The following TNS1 variants were observed in gnomAD, a reference collection of about 807,000 sequenced individuals.
TNS1 encodes tensin 1.
Under a neutral mutation model 168.6 loss-of-function variants are expected in TNS1, and 62 were observed. The ratio of observed to expected loss-of-function variants is 0.37; its 90% CI spans 0.30 to 0.45. The LOEUF (loss-of-function observed/expected upper bound fraction) is 0.45, where lower values mean the gene tolerates loss of function less well. Among genes scored for constraint, TNS1 ranks in the 20% least tolerant of loss-of-function variants. The pLI is 1.00. For synonymous variants in TNS1, 934 were observed against 933.2 expected (o/e 1.00, Z -0.02); for missense variants, 2,240 against 2,339.4 (o/e 0.96, Z 0.88).
rs1950768058 is a variant in TNS1, at chr2:217,882,406, G to A, written c.1252C>T (p.Arg418Ter). 1 of 1,598,360 alleles carries A rather than the reference G, an allele frequency of 6.3e-7. No individual in the cohort carries two copies. The highest frequency in any genetic ancestry group is 8.5e-7 in the Non-Finnish European group (1 of 1,174,724). Residue 418 changes from arginine (R) to a stop codon, truncating the protein, a stop_gained, in exon 17 of 33, where the codon CGA (arginine) becomes TGA (stop). Coordinates refer to ENST00000682258, the MANE Select transcript of TNS1 (RefSeq NM_001387777.1). LOFTEE classifies it high-confidence loss of function. ...EDLDDAFKDD[R>*]FPEYGKVEFV... Reference sequence around the variant, plus strand: ...TCCACTTTGCCATACTCTGGAAATCGATCATCTGGAAAAAGAGAAGGAAAA... The same window carrying A: ...TCCACTTTGCCATACTCTGGAAATCAATCATCTGGAAAAAGAGAAGGAAAA...
chr2:218,024,340 C>T (rs1314375634), intron 1 of TNS1, among the ~76,000 whole-genome samples: 1 of 147,794 alleles, frequency 6.8e-6, no homozygotes, highest in Non-Finnish European at 1.5e-5. Flanking sequence ...CTCCAACACA[C>T]TCATGTCCCT....
chr2:217,951,967 G>A (rs1045924375), intron 3 of TNS1, among the ~76,000 whole-genome samples: 1 of 152,142 alleles, frequency 6.6e-6, no homozygotes, highest in African/African-American at 2.4e-5. Flanking sequence ...CTTTCTAAGT[G>A]CCCGCAGTGG....
intron 22 of TNS1, among the ~76,000 whole-genome samples, chr2:217,824,959 G>A (rs541897686): frequency 6.6e-6 from 1 of 152,104 alleles, no homozygotes; most frequent in Admixed American, 6.5e-5. Context: ...CCCTCAATCT[G>A]CATGTGCTCC....
At chr2:217,885,716 G>A (rs1402866165) in intron 15 of TNS1, 28 bp downstream of exon 15, 1 of 1,558,704 alleles carries the variant, frequency 6.4e-7, no homozygotes, top group African/African-American at 2.2e-5. Flanking sequence ...AAACAAGGAT[G>A]GGGCTTGACA....
chr2:217,850,161 C>G, intron 18 of TNS1: 1 of 985,432 alleles, frequency 1.0e-6, no homozygotes. Flanking sequence ...CACAGCAGGT[C>G]TGCAAAGACG....
chr2:217,838,666 G>A (rs1945500766), intron 19 of TNS1, among the ~76,000 whole-genome samples: 2 of 152,192 alleles, frequency 1.3e-5, no homozygotes, highest in African/African-American at 2.4e-5. Context: ...CACATTCTTT[G>A]AACACAGTGT....
At chr2:217,916,393 C>A (rs1161151035) in intron 4 of TNS1, among the ~76,000 whole-genome samples, 1 of 152,118 alleles carries the variant, frequency 6.6e-6, no homozygotes, top group African/African-American at 2.4e-5. Context: ...AAGCAATGTG[C>A]ACATCATTCC....
upstream of TNS1, chr2:218,003,034 C>T (rs1958596177): frequency 2.0e-5 from 8 of 393,680 alleles, no homozygotes; most frequent in African/African-American, 6.1e-5. Context: ...CTCACCCTCC[C>T]TCCTCCTCCT....
intron 18 of TNS1, among the ~76,000 whole-genome samples, chr2:217,852,591 A>C (rs1194424734): frequency 6.6e-6 from 1 of 152,166 alleles, no homozygotes; most frequent in Non-Finnish European, 1.5e-5. Flanking sequence ...TAACAGAAAA[A>C]CTATGAAGGC....
At chr2:217,910,300 GAT>G (rs1954219436) in intron 4 of TNS1, among the ~76,000 whole-genome samples, 1 of 152,054 alleles carries the variant, frequency 6.6e-6, no homozygotes, top group Non-Finnish European at 1.5e-5. Flanking sequence ...TACTGGTTGA[GAT>G]GCTTTCTGAG....
chr2:217,822,908 A>G (rs1943093726), intron 22 of TNS1, among the ~76,000 whole-genome samples: 1 of 152,150 alleles, frequency 6.6e-6, no homozygotes. Flanking sequence ...TCCGGGAGGA[A>G]TGTCATTCCT....
chr2:217,955,952 G>A (rs1957351102), intron 3 of TNS1, among the ~76,000 whole-genome samples: 1 of 152,148 alleles, frequency 6.6e-6, no homozygotes, highest in African/African-American at 2.4e-5. Flanking sequence ...TCAGGCATCT[G>A]GGGGTTGTTC....
At chr2:217,826,678 T>G (rs1943668044) in intron 22 of TNS1, among the ~76,000 whole-genome samples, 1 of 152,186 alleles carries the variant, frequency 6.6e-6, no homozygotes, top group Admixed American at 6.5e-5. Flanking sequence ...GTTTTCCTCC[T>G]TCCCTCCAAT....
intron 3 of TNS1, among the ~76,000 whole-genome samples, chr2:217,975,410 ACT>A (rs912350652): frequency 6.6e-6 from 1 of 151,882 alleles, no homozygotes; most frequent in Non-Finnish European, 1.5e-5. Context: ...ACACCATATC[ACT>A]CTGTATACAT....
chr2:217,879,105 T>G (rs1379686244), intron 18 of TNS1, among the ~76,000 whole-genome samples: 2 of 152,202 alleles, frequency 1.3e-5, no homozygotes, highest in Non-Finnish European at 2.9e-5. Flanking sequence ...TGCCTCCCAC[T>G]CTGACCGTCT....
At chr2:217,928,050 A>G (rs1278548411) in intron 3 of TNS1, among the ~76,000 whole-genome samples, 1 of 152,130 alleles carries the variant, frequency 6.6e-6, no homozygotes, top group East Asian at 1.9e-4. Context: ...CCCCCATTCA[A>G]CCTGGTAAGG....
chr2:217,868,083 G>A (rs748557413), intron 18 of TNS1, among the ~76,000 whole-genome samples: 10 of 152,204 alleles, frequency 6.6e-5, no homozygotes, highest in South Asian at 2.1e-4. Flanking sequence ...GTGAGTGGCC[G>A]GTACAGAGTA....
intron 1 of TNS1, among the ~76,000 whole-genome samples, chr2:218,016,579 G>A (rs1958762825): frequency 6.6e-6 from 1 of 152,284 alleles, no homozygotes; most frequent in East Asian, 1.9e-4. Context: ...TCAGCCCGGG[G>A]CCCTCAGTCC....
At chr2:217,974,325 G>A (rs924007589) in intron 3 of TNS1, among the ~76,000 whole-genome samples, 1 of 152,218 alleles carries the variant, frequency 6.6e-6, no homozygotes, top group African/African-American at 2.4e-5. Flanking sequence ...TGTGTCAGAA[G>A]ATAGGAAGGT....
Sources: allele counts gnomAD v4.1 joint callset (sites outside exome capture counted in the v4.1 genomes callset), GRCh38; gene constraint gnomAD v4.1.1; transcripts MANE v1.5; gene names NCBI Gene and HGNC (gene_info 2026-07-23, HGNC 2026-07-21).